Variants in PPP2R2B observed in about 807,000 individuals in gnomAD.
PPP2R2B encodes serine/threonine-protein phosphatase 2A 55 kDa regulatory subunit B beta isoform.
In PPP2R2B, 5 loss-of-function variants were observed where a neutral mutation model predicts 46.0. The observed-to-expected ratio is 0.11, with a 90% CI of 0.06 to 0.23. PPP2R2B has a LOEUF of 0.23. Among genes scored for constraint, PPP2R2B ranks in the 10% least tolerant of loss-of-function variants. PPP2R2B has a pLI of 1.00. For synonymous variants in PPP2R2B, 215 were observed against 206.7 expected (o/e 1.04, Z -0.34); for missense variants, 367 against 575.0 (o/e 0.64, Z 3.70).
intron 1 of PPP2R2B, among the ~76,000 whole-genome samples, chr5:147,036,616 G>A (rs570788103): frequency 1.3e-5 from 2 of 152,244 alleles, no homozygotes; most frequent in East Asian, 3.9e-4. Flanking sequence ...GGTTGAACTA[G>A]TTTACCTTCC....
At chr5:147,015,181 T>C (rs1754943912) in intron 1 of PPP2R2B, among the ~76,000 whole-genome samples, 1 of 148,960 alleles carries the variant, frequency 6.7e-6, no homozygotes, top group Non-Finnish European at 1.5e-5. Flanking sequence ...GCTTAATAAA[T>C]GTTCATCAGA....
intron 1 of PPP2R2B, among the ~76,000 whole-genome samples, chr5:147,028,693 A>G (rs1020508808): frequency 6.6e-6 from 1 of 152,168 alleles, no homozygotes; most frequent in Non-Finnish European, 1.5e-5. Context: ...TCTCTTGGAT[A>G]TATACTTAGT....
chr5:146,828,162 A>C (rs1758697610), intron 2 of PPP2R2B, among the ~76,000 whole-genome samples: 2 of 151,842 alleles, frequency 1.3e-5, no homozygotes, highest in Admixed American at 1.3e-4. Flanking sequence ...GAATTCTACC[A>C]TCCATAATGC....
At chr5:146,634,898 T>C (rs1174561523) in intron 7 of PPP2R2B, among the ~76,000 whole-genome samples, 1 of 152,196 alleles carries the variant, frequency 6.6e-6, no homozygotes, top group East Asian at 1.9e-4. Flanking sequence ...ATACAGTACC[T>C]GACATAAAGT....
intron 2 of PPP2R2B, among the ~76,000 whole-genome samples, chr5:146,852,151 A>T (rs551766962): frequency 6.6e-6 from 1 of 152,216 alleles, no homozygotes; most frequent in South Asian, 2.1e-4. Context: ...CATCCTCTTC[A>T]TTCCATTTTG....
At chr5:146,618,037 C>G (rs1449198894) in intron 7 of PPP2R2B, among the ~76,000 whole-genome samples, 1 of 152,090 alleles carries the variant, frequency 6.6e-6, no homozygotes, top group Admixed American at 6.6e-5. Flanking sequence ...AATGCCATTG[C>G]CCCCATCCCC....
chr5:146,881,813 C>T (rs1287428237), upstream of PPP2R2B, among the ~76,000 whole-genome samples: 1 of 152,098 alleles, frequency 6.6e-6, no homozygotes, highest in Non-Finnish European at 1.5e-5. Flanking sequence ...TGCTGAATAT[C>T]TTACTTTAAT....
intron 2 of PPP2R2B, among the ~76,000 whole-genome samples, chr5:147,078,093 G>T (rs1201274516): frequency 2.6e-5 from 4 of 152,180 alleles, no homozygotes; most frequent in Non-Finnish European, 1.5e-5. Flanking sequence ...AATATTTTTT[G>T]TTTGTTTGCT....
intron 5 of PPP2R2B, among the ~76,000 whole-genome samples, chr5:146,688,629 C>T (rs1434527372): frequency 6.6e-6 from 1 of 152,114 alleles, no homozygotes; most frequent in African/African-American, 2.4e-5. Context: ...TTCTCTGTTT[C>T]ATCTGAAGTC....
chr5:146,601,207 C>T (rs138898917), intron 7 of PPP2R2B, among the ~76,000 whole-genome samples: 1 of 152,280 alleles, frequency 6.6e-6, no homozygotes, highest in East Asian at 1.9e-4. Context: ...GTTGTTTCCA[C>T]TTTTTAGCTG....
rs896372196 is a variant in PPP2R2B at position 146,798,545 on chromosome 5, C to T, written c.70+79457G>A. 5.3e-5 allele frequency among the ~76,000 whole-genome samples: 8 copies of T among 152,158 alleles called. 1 individual carries two copies. Among genetic ancestry groups the T allele is most frequent in the African/African-American group, 1.2e-4 (5 of 41,446 alleles). On this transcript the variant is annotated intron_variant, in intron 2 of 9. Coordinates refer to ENST00000394411, the MANE Select transcript of PPP2R2B (RefSeq NM_181675.4). Reference sequence around the variant, plus strand: ...TAAATTATTCTTAGACAAATGAATGCTATCATTTAAATATTATAAGTACTT... The same window carrying T: ...TAAATTATTCTTAGACAAATGAATGTTATCATTTAAATATTATAAGTACTT...
Position 146,585,133 on chromosome 5 carries a change from C to G in PPP2R2B, c.*4814G>C, listed in dbSNP as rs939005278. 4.6e-5 allele frequency: 7 copies of G among 152,130 alleles called. No individual in the cohort carries two copies. Among genetic ancestry groups the G allele is most frequent in the African/African-American group, 7.2e-5 (3 of 41,418 alleles). The allele number at this position is 152,130 out of a possible 1,614,324, so 9.4% of individuals were successfully genotyped here. A position where few individuals can be genotyped will look rare whatever the true frequency, so the allele number is the denominator to read the frequency against. On this transcript the variant is annotated 3_prime_UTR_variant, in exon 10 of 10. Transcript: ENST00000394411. ...GCCAGTGGTTTAAATATCTTAGTAA[C>G]TCCAGCCCCTTGTCTAGAACCTGGC... is the stretch of plus-strand genomic sequence containing the variant.
At chr5:146,750,173 A>G (rs1753468493) in intron 2 of PPP2R2B, among the ~76,000 whole-genome samples, 1 of 152,214 alleles carries the variant, frequency 6.6e-6, no homozygotes, top group African/African-American at 2.4e-5. Context: ...CTGTCTGTTA[A>G]TGTTACACAG....
At chr5:146,657,379 T>G (rs754564806) in intron 5 of PPP2R2B, among the ~76,000 whole-genome samples, 8 of 152,150 alleles carry the variant, frequency 5.3e-5, no homozygotes, top group South Asian at 2.1e-4. Context: ...GATGAAGTCA[T>G]GGAGAAGGAA....
chr5:146,816,012 A>G (rs557162057), intron 2 of PPP2R2B, among the ~76,000 whole-genome samples: 2 of 152,168 alleles, frequency 1.3e-5, no homozygotes, highest in Admixed American at 1.3e-4. Context: ...CTCCAGATTA[A>G]AGTTCTTTCA....
At chr5:147,038,330 C>G (rs1030994408) in intron 1 of PPP2R2B, among the ~76,000 whole-genome samples, 1 of 151,976 alleles carries the variant, frequency 6.6e-6, no homozygotes. Context: ...GAAAGGAGAA[C>G]GAGTTTGATG....
intron 5 of PPP2R2B, among the ~76,000 whole-genome samples, chr5:146,686,713 C>T (rs1251428458): frequency 6.6e-6 from 1 of 152,128 alleles, no homozygotes. Flanking sequence ...TCAACCTGGC[C>T]TAGGTTCCCA....
chr5:147,027,053 G>T (rs1230896272), intron 1 of PPP2R2B, among the ~76,000 whole-genome samples: 1 of 151,820 alleles, frequency 6.6e-6, no homozygotes, highest in Non-Finnish European at 1.5e-5. Flanking sequence ...TCAAGTAAAA[G>T]AATAAAAAAA....
chr5:146,992,711 T>A (rs6860203), intron 1 of PPP2R2B, among the ~76,000 whole-genome samples: 72,166 of 152,054 alleles, frequency 0.47, 18,552 homozygotes, highest in Middle Eastern at 0.59. Flanking sequence ...AAGTCCTGGC[T>A]TCCTACATGG....
Sources: gnomAD v4.1 joint callset for allele counts (sites outside exome capture counted in the v4.1 genomes callset) on GRCh38, gnomAD v4.1.1 for gene constraint, MANE v1.5 for transcripts, NCBI Gene and HGNC (gene_info 2026-07-23, HGNC 2026-07-21) for gene names.